The following UBAP2 variants were observed in gnomAD, a reference collection of about 807,000 sequenced individuals.
The protein encoded by UBAP2 is ubiquitin-associated protein 2.
In UBAP2, 75 loss-of-function variants were observed where a neutral mutation model predicts 139.6. That is an observed-to-expected ratio of 0.54 (90% CI 0.45 to 0.65). UBAP2 has a LOEUF of 0.65. Ranked by LOEUF, UBAP2 falls within the 30% of genes least tolerant of loss-of-function variation. The probability of loss-of-function intolerance (pLI) is 0.00; values close to 1 mark genes in which losing one functional copy is unlikely to be tolerated. For synonymous variants in UBAP2, 526 were observed against 526.2 expected (o/e 1.00, Z 0.01); for missense variants, 1,368 against 1,369.6 (o/e 1.00, Z 0.02).
In UBAP2 at chr9:33,941,651, T is replaced by G. The variant is rs1170220167; in HGVS notation, c.1927A>C (p.Met643Leu). Residue 643 changes from methionine to leucine, a missense_variant and splice_region_variant, in exon 16 of 29, where the codon ATG becomes CTG. Transcript: ENST00000379238. ...AAAAAAACTAAAATACCACTTACCA[T>G]GATGGTTCCTGGAGCTGACTCTGAT... The part of the protein sequence containing the change: ...SSSESAPGTI[M>L]NGHGGGRSQQ... 1 of 1,613,748 alleles carries G rather than the reference T, an allele frequency of 6.2e-7. No individual in the cohort carries two copies. Among genetic ancestry groups the G allele is most frequent in the East Asian group, 2.2e-5 (1 of 44,882 alleles).
At chr9:33,968,428 C>T in intron 8 of UBAP2, 1 of 562,440 alleles carries the variant, frequency 1.8e-6, no homozygotes, top group Non-Finnish European at 3.6e-6. Context: ...CATACATAGT[C>T]ATGGCCGAGG....
chr9:33,955,570 T>C (rs1217575475), intron 11 of UBAP2, among the ~76,000 whole-genome samples: 1 of 151,822 alleles, frequency 6.6e-6, no homozygotes, highest in Non-Finnish European at 1.5e-5. Flanking sequence ...GGCTCACATC[T>C]GTAATCCCAG....
intron 16 of UBAP2, among the ~76,000 whole-genome samples, chr9:33,938,195 T>A (rs1158907680): frequency 6.6e-6 from 1 of 152,100 alleles, no homozygotes; most frequent in East Asian, 1.9e-4. Flanking sequence ...GGTCTCATCA[T>A]GTTGTCCAGT....
At chr9:33,988,368 C>G (rs1353889348) in intron 5 of UBAP2, among the ~76,000 whole-genome samples, 1 of 152,118 alleles carries the variant, frequency 6.6e-6, no homozygotes, top group East Asian at 1.9e-4. Context: ...TCTTTCATAA[C>G]TTAGCTACAC....
intron 22 of UBAP2, 45 bp from the exon 23 acceptor site, chr9:33,924,329 A>G: frequency 6.4e-7 from 1 of 1,573,948 alleles, no homozygotes; most frequent in Non-Finnish European, 8.7e-7. Context: ...GCCCTGCTTG[A>G]CTCCCAGGAG....
intron 1 of UBAP2, among the ~76,000 whole-genome samples, chr9:34,044,354 T>C (rs1284554448): frequency 2.7e-5 from 4 of 149,986 alleles, no homozygotes; most frequent in African/African-American, 7.4e-5. Flanking sequence ...TGAGCCGAGA[T>C]AGCGCCACTG....
intron 18 of UBAP2, 33 bp downstream of exon 18, chr9:33,933,457 A>G: frequency 6.2e-7 from 1 of 1,610,144 alleles, no homozygotes; most frequent in Non-Finnish European, 8.5e-7. Context: ...GCCCCAAGGT[A>G]CTTCTCACTT....
At chr9:33,986,925 G>A in intron 5 of UBAP2, 88 bp from the exon 6 acceptor site, 6 of 1,155,602 alleles carry the variant, frequency 5.2e-6, no homozygotes, top group Non-Finnish European at 7.7e-6. Context: ...GGCAAAGAAG[G>A]AATGACAAAC....
In UBAP2 at chr9:34,021,892, C is replaced by T. The variant is rs370431467; in HGVS notation, c.-41-4703G>A. On this transcript the variant is annotated intron_variant, in intron 1 of 28. Transcript: ENST00000379238. ...CGGGTGATCCAACCGCCTCAACCTC[C>T]CAAAGTGCTGCAATTACAGACATGA... Among the ~76,000 whole-genome samples the T allele has an allele frequency of 1.2e-4, 18 of 152,246 alleles. No homozygotes were observed. In the Middle Eastern group the frequency reaches 0.01, roughly 86 times the overall value.
chr9:33,930,944 C>T (rs1001642968), intron 19 of UBAP2, among the ~76,000 whole-genome samples: 2 of 147,568 alleles, frequency 1.4e-5, no homozygotes, highest in African/African-American at 5.0e-5. Context: ...GAAATGACTA[C>T]ATGTATGCAC....
intron 2 of UBAP2, among the ~76,000 whole-genome samples, chr9:34,016,301 AGGAAG>A (rs1564064244): frequency 5.6e-5 from 6 of 107,904 alleles, no homozygotes; most frequent in African/African-American, 1.5e-4. Context: ...GAGGAAGAGG[AGGAAG>A]AGGAGGAAGA....
At chr9:34,031,009 C>G (rs1221431366) in intron 1 of UBAP2, among the ~76,000 whole-genome samples, 1 of 152,110 alleles carries the variant, frequency 6.6e-6, no homozygotes, top group Non-Finnish European at 1.5e-5. Context: ...TTTTGGGAGG[C>G]CAAGGCAGGC....
intron 16 of UBAP2, 92 bp from the exon 17 acceptor site, chr9:33,935,970 T>C (rs1824476267): frequency 8.7e-7 from 1 of 1,154,070 alleles, no homozygotes; most frequent in African/African-American, 1.6e-5. Flanking sequence ...TGTAGCTTAA[T>C]CAAGAAACAA....
intron 19 of UBAP2, among the ~76,000 whole-genome samples, chr9:33,930,509 A>G (rs530071499): frequency 6.6e-6 from 1 of 152,310 alleles, no homozygotes; most frequent in Admixed American, 6.5e-5. Context: ...AAACATCAAG[A>G]TACACTTGTG....
At chr9:33,964,257 C>CA (rs1199256834) in intron 8 of UBAP2, among the ~76,000 whole-genome samples, 6 of 152,060 alleles carry the variant, frequency 3.9e-5, no homozygotes, top group Non-Finnish European at 8.8e-5. Flanking sequence ...ATCAACAAGC[C>CA]AATACCATTC....
chr9:33,992,907 C>G (rs1031678879), intron 4 of UBAP2, among the ~76,000 whole-genome samples: 3 of 152,166 alleles, frequency 2.0e-5, no homozygotes, highest in Non-Finnish European at 4.4e-5. Flanking sequence ...TCCCAGCCAC[C>G]ACATAATAAT....
At chr9:34,022,651 C>G (rs1005091343) in intron 1 of UBAP2, among the ~76,000 whole-genome samples, 2 of 151,742 alleles carry the variant, frequency 1.3e-5, no homozygotes, top group African/African-American at 2.4e-5. Context: ...GTTGGCCAGG[C>G]TGGTCTTGAA....
At chr9:33,984,041 C>T (rs903099157) in intron 6 of UBAP2, among the ~76,000 whole-genome samples, 6 of 152,020 alleles carry the variant, frequency 3.9e-5, no homozygotes, top group Non-Finnish European at 7.4e-5. Context: ...GTAGCTGGAA[C>T]TACAGGCACA....
intron 13 of UBAP2, 104 bp from the exon 14 acceptor site, chr9:33,944,743 G>C: frequency 1.5e-6 from 2 of 1,361,826 alleles, no homozygotes; most frequent in Non-Finnish European, 2.0e-6. Flanking sequence ...ATCATTTCCA[G>C]TTGAATTTCT....
Sources: gnomAD v4.1 joint callset for allele counts (sites outside exome capture counted in the v4.1 genomes callset) on GRCh38, gnomAD v4.1.1 for gene constraint, MANE v1.5 for transcripts, NCBI Gene and HGNC (gene_info 2026-07-23, HGNC 2026-07-21) for gene names.